The following RGS17 variants were observed in gnomAD, a reference collection of about 807,000 sequenced individuals.
RGS17 encodes regulator of G-protein signaling 17.
In RGS17, 12 loss-of-function variants were observed where a neutral mutation model predicts 25.5. That is an observed-to-expected ratio of 0.47 (90% CI 0.30 to 0.76). The LOEUF (loss-of-function observed/expected upper bound fraction) is 0.76. Among genes scored for constraint, RGS17 ranks in the 30% least tolerant of loss-of-function variants. The probability of loss-of-function intolerance (pLI) is 0.07; values close to 1 mark genes in which losing one functional copy is unlikely to be tolerated. For missense variants in RGS17, 196 were observed against 242.2 expected, an observed-to-expected ratio of 0.81 and a Z score of 1.27; for synonymous variants, 71 against 76.9, an observed-to-expected ratio of 0.92 and a Z score of 0.40.
chr6:153,062,319 G>T (rs1270366056), intron 1 of RGS17, among the ~76,000 whole-genome samples: 1 of 152,152 alleles, frequency 6.6e-6, no homozygotes, highest in Non-Finnish European at 1.5e-5. Context: ...GCATCTCTAG[G>T]CTCTAAGGGA....
chr6:153,069,351 A>G (rs745875265), intron 1 of RGS17, among the ~76,000 whole-genome samples: 12 of 152,234 alleles, frequency 7.9e-5, no homozygotes, highest in Non-Finnish European at 1.6e-4. Context: ...AGCCAGGTAC[A>G]GAAAGAAAAA....
rs1320824959 is a variant in RGS17, at chr6:153,009,424, T to C, written c.*2150A>G. On this transcript the variant is annotated 3_prime_UTR_variant, in exon 5 of 5. Transcript: ENST00000206262. ...AACTCAATTCTAAGCAAGAAAAAAA[T>C]TAAATAATTTAGGAACAATAGAACT... 2.0e-5 allele frequency: 3 copies of C among 151,820 alleles called. No homozygotes were observed. Among genetic ancestry groups the C allele is most frequent in the Non-Finnish European group, 4.4e-5 (3 of 67,864 alleles). 9.4% of individuals were successfully genotyped at this position (151,820 alleles called of 1,614,324 possible). A position where few individuals can be genotyped will look rare whatever the true frequency, so the allele number is the denominator to read the frequency against.
intron 4 of RGS17, among the ~76,000 whole-genome samples, chr6:153,014,400 A>G (rs1160353503): frequency 2.0e-5 from 3 of 152,230 alleles, no homozygotes; most frequent in African/African-American, 7.2e-5. Flanking sequence ...GCTTTGATGA[A>G]GATGCACGAG....
intron 2 of RGS17, among the ~76,000 whole-genome samples, chr6:153,035,770 T>C (rs965901891): frequency 6.6e-6 from 1 of 152,180 alleles, no homozygotes; most frequent in Non-Finnish European, 1.5e-5. Flanking sequence ...CCAACTTCTC[T>C]CAAAGCAAAC....
intron 1 of RGS17, among the ~76,000 whole-genome samples, chr6:153,090,636 G>A (rs1777115913): frequency 6.6e-6 from 1 of 151,570 alleles, no homozygotes; most frequent in Non-Finnish European, 1.5e-5. Context: ...CAAAAAAAAA[G>A]GAAAGAAAAT....
intron 1 of RGS17, among the ~76,000 whole-genome samples, chr6:153,068,413 C>T (rs897255945): frequency 6.6e-6 from 1 of 152,182 alleles, no homozygotes; most frequent in East Asian, 1.9e-4. Flanking sequence ...CGCCACTGCA[C>T]TCCAGCCTGA....
intron 1 of RGS17, among the ~76,000 whole-genome samples, chr6:153,094,878 A>G (rs667259): frequency 0.88 from 134,402 of 152,118 alleles, 59,426 homozygotes; most frequent in East Asian, 0.97. Flanking sequence ...GAATTAGAAT[A>G]TTTAATTTTT....
intron 4 of RGS17, among the ~76,000 whole-genome samples, chr6:153,022,036 T>C (rs775925392): frequency 6.6e-6 from 1 of 152,074 alleles, no homozygotes; most frequent in African/African-American, 2.4e-5. Flanking sequence ...GGTGAAACCC[T>C]GTCACCACTA....
At chr6:153,128,386 G>A (rs145041811) in intron 1 of RGS17, among the ~76,000 whole-genome samples, 19 of 152,340 alleles carry the variant, frequency 1.2e-4, no homozygotes, top group African/African-American at 4.6e-4. Flanking sequence ...ATTCTCAGCA[G>A]AAATGTGGTT....
At chr6:153,072,666 G>A (rs554128810) in intron 1 of RGS17, among the ~76,000 whole-genome samples, 1 of 152,214 alleles carries the variant, frequency 6.6e-6, no homozygotes, top group East Asian at 1.9e-4. Flanking sequence ...GAGGGCTCAA[G>A]AAGTTATCAC....
intron 1 of RGS17, among the ~76,000 whole-genome samples, chr6:153,077,091 T>C (rs1277351173): frequency 1.3e-5 from 2 of 152,322 alleles, no homozygotes; most frequent in African/African-American, 4.8e-5. Context: ...CAACAGGAGA[T>C]ACTCACTCAT....
intron 1 of RGS17, among the ~76,000 whole-genome samples, chr6:153,082,459 C>T (rs1776999063): frequency 6.6e-6 from 1 of 152,044 alleles, no homozygotes; most frequent in Non-Finnish European, 1.5e-5. Flanking sequence ...ATCACTAAAT[C>T]TTCCATTTTT....
intron 1 of RGS17, among the ~76,000 whole-genome samples, chr6:153,093,610 C>T (rs575161148): frequency 6.6e-6 from 1 of 152,258 alleles, no homozygotes; most frequent in Non-Finnish European, 1.5e-5. Flanking sequence ...GAATACATTT[C>T]GGGCAAGGTT....
chr6:153,130,279 G>A lies in RGS17; in HGVS notation c.-26+845C>T, dbSNP rs999616090. On this transcript the variant is annotated intron_variant, in intron 1 of 4. Transcript: ENST00000206262. The surrounding 1 kb of genome is among the most constrained non-coding windows in gnomAD (Gnocchi z 6.4). ...TTAAACTATGATTCCATCGATCACGGAAAGACCACCATCACCTACAGCAAA... is the reference window on the plus strand; with the variant it reads ...TTAAACTATGATTCCATCGATCACGAAAAGACCACCATCACCTACAGCAAA... 1.3e-5 allele frequency among the ~76,000 whole-genome samples: 2 copies of A among 152,100 alleles called. No homozygotes were observed. The highest frequency in any genetic ancestry group is 4.8e-5 in the African/African-American group (2 of 41,426).
At chr6:153,031,863 T>C (rs1447566310) in intron 2 of RGS17, among the ~76,000 whole-genome samples, 1 of 152,194 alleles carries the variant, frequency 6.6e-6, no homozygotes, top group Non-Finnish European at 1.5e-5. Flanking sequence ...GAGTAACTTC[T>C]CAATTCCCTG....
At chr6:153,128,700 T>TTTA (rs1054458399) in intron 1 of RGS17, among the ~76,000 whole-genome samples, 2 of 151,884 alleles carry the variant, frequency 1.3e-5, no homozygotes, top group African/African-American at 2.4e-5. Flanking sequence ...TTAAGGAAGG[T>TTTA]TTATTATTAT....
chr6:153,047,095 T>C (rs767448330), intron 1 of RGS17, among the ~76,000 whole-genome samples: 1 of 152,186 alleles, frequency 6.6e-6, no homozygotes, highest in East Asian at 1.9e-4. Context: ...TGCTGAGGGA[T>C]AATAATCATC....
intron 1 of RGS17, among the ~76,000 whole-genome samples, chr6:153,114,733 G>A (rs1777519947): frequency 6.6e-6 from 1 of 152,110 alleles, no homozygotes; most frequent in South Asian, 2.1e-4. Context: ...TATCCACCAT[G>A]ATCAAGACAG....
At chr6:153,037,446 G>A (rs76603021) in intron 2 of RGS17, among the ~76,000 whole-genome samples, 1 of 96,374 alleles carries the variant, frequency 1.0e-5, no homozygotes, top group East Asian at 2.7e-4. Flanking sequence ...TTTTTTTTTT[G>A]AGACAGAGTC....
Sources: gnomAD v4.1 joint callset for allele counts (sites outside exome capture counted in the v4.1 genomes callset) on GRCh38, gnomAD v4.1.1 for gene constraint, Gnocchi (gnomAD v3.1) non-coding constraint, MANE v1.5 for transcripts, NCBI Gene and HGNC (gene_info 2026-07-23, HGNC 2026-07-21) for gene names.